The following CDH18 variants were observed in gnomAD, a reference collection of about 807,000 sequenced individuals.
CDH18 encodes cadherin 18.
A neutral mutation model predicts 67.9 loss-of-function variants in CDH18; 31 were observed. That is an observed-to-expected ratio of 0.46 (90% confidence interval 0.34 to 0.62). The LOEUF (loss-of-function observed/expected upper bound fraction) is 0.62, where lower values mean the gene tolerates loss of function less well. Ranked by LOEUF, CDH18 falls within the 20% of genes least tolerant of loss-of-function variation. CDH18 has a pLI of 0.01. For synonymous variants in CDH18, 362 were observed against 347.2 expected, an observed-to-expected ratio of 1.04 and a Z score of -0.48; for missense variants, 890 against 975.5, an observed-to-expected ratio of 0.91 and a Z score of 1.17.
intron 9 of CDH18, among the ~76,000 whole-genome samples, chr5:19,540,708 G>A (rs1750126345): frequency 6.6e-6 from 1 of 152,042 alleles, no homozygotes; most frequent in African/African-American, 2.4e-5. Flanking sequence ...GCTATACCTT[G>A]GCCCTTTTTT....
At chr5:20,186,045 T>C (rs1049696950) in intron 2 of CDH18, among the ~76,000 whole-genome samples, 2 of 152,024 alleles carry the variant, frequency 1.3e-5, no homozygotes, top group Admixed American at 6.6e-5. Context: ...TGAAGACTCA[T>C]CTGTTGAATT....
intron 1 of CDH18, among the ~76,000 whole-genome samples, chr5:20,480,764 T>C (rs1752748961): frequency 6.6e-6 from 1 of 152,184 alleles, no homozygotes; most frequent in African/African-American, 2.4e-5. Flanking sequence ...TCAATCAGCA[T>C]TACTTTTTCA....
chr5:19,811,181 AAG>A (rs1778699717), intron 3 of CDH18, among the ~76,000 whole-genome samples: 1 of 150,398 alleles, frequency 6.6e-6, no homozygotes, highest in South Asian at 2.1e-4. Context: ...AAAGAGAAGA[AAG>A]AGGGAGAGAA....
intron 4 of CDH18, among the ~76,000 whole-genome samples, chr5:19,734,282 G>A (rs1412137998): frequency 6.6e-6 from 1 of 152,164 alleles, no homozygotes; most frequent in Non-Finnish European, 1.5e-5. Context: ...AGTAAGTGTG[G>A]CTGGAATGCA....
chr5:20,098,205 T>C (rs1298244156), intron 2 of CDH18, among the ~76,000 whole-genome samples: 1 of 152,100 alleles, frequency 6.6e-6, no homozygotes, highest in Non-Finnish European at 1.5e-5. Flanking sequence ...GGATATGATT[T>C]ATCCTAGCCT....
intron 1 of CDH18, among the ~76,000 whole-genome samples, chr5:20,397,256 G>C (rs534531278): frequency 1.3e-5 from 2 of 151,812 alleles, no homozygotes; most frequent in Admixed American, 6.6e-5. Context: ...TCAGCCTCCC[G>C]AGTAGCTGGG....
intron 3 of CDH18, among the ~76,000 whole-genome samples, chr5:19,776,011 T>C (rs1774319413): frequency 6.6e-6 from 1 of 151,912 alleles, no homozygotes; most frequent in South Asian, 2.1e-4. Context: ...ACAATAAAAC[T>C]AAAGAAAATT....
chr5:20,451,728 T>C (rs779739061), intron 1 of CDH18, among the ~76,000 whole-genome samples: 24 of 152,184 alleles, frequency 1.6e-4, no homozygotes, highest in Non-Finnish European at 2.8e-4. Flanking sequence ...GGTAAGTTCA[T>C]AAACACTTTT....
chr5:20,275,107 AT>A (rs1745708850), intron 1 of CDH18, among the ~76,000 whole-genome samples: 1 of 152,090 alleles, frequency 6.6e-6, no homozygotes, highest in African/African-American at 2.4e-5. Flanking sequence ...TTTTCACCAC[AT>A]TTCTGAGGAG....
chr5:20,372,593 C>G (rs1310500308), intron 1 of CDH18, among the ~76,000 whole-genome samples: 1 of 152,114 alleles, frequency 6.6e-6, no homozygotes, highest in Non-Finnish European at 1.5e-5. Flanking sequence ...TAATTGAAAT[C>G]AGTTAATAGT....
chr5:19,500,485 T>TA (rs1486319419), intron 11 of CDH18, among the ~76,000 whole-genome samples: 2 of 152,160 alleles, frequency 1.3e-5, no homozygotes, highest in Non-Finnish European at 2.9e-5. Flanking sequence ...CCAAGACTGT[T>TA]AACTCAAGTA....
chr5:20,501,564 TA>T lies in CDH18; in HGVS notation c.-580+73897del, dbSNP rs1184089634. On this transcript the variant is annotated intron_variant, in intron 1 of 14. Coordinates refer to the CDH18 transcript ENST00000507958. The stretch of plus-strand genomic sequence containing the variant: ...ATACATATTATATATATAATATATA[TA>T]TATAATATATATATATTATATATAT... Among the ~76,000 whole-genome samples, 96 of 24,480 alleles carry T rather than the reference TA, an allele frequency of 3.9e-3. 2 individuals are homozygous for T. Among genetic ancestry groups the T allele is most frequent in the African/African-American group, 0.01 (80 of 7,834 alleles). 16.1% of individuals were successfully genotyped at this position (24,480 alleles called of 152,430 possible). A position where few individuals can be genotyped will look rare whatever the true frequency, so the allele number is the denominator to read the frequency against.
At chr5:19,925,855 T>C (rs2150182811) in intron 2 of CDH18, among the ~76,000 whole-genome samples, 1 of 152,320 alleles carries the variant, frequency 6.6e-6, no homozygotes, top group East Asian at 1.9e-4. Flanking sequence ...ATCATTTCTT[T>C]TATGCAGTTC....
intron 5 of CDH18, among the ~76,000 whole-genome samples, chr5:19,690,394 G>GA (rs1292361275): frequency 6.6e-6 from 1 of 151,118 alleles, no homozygotes; most frequent in Non-Finnish European, 1.5e-5. Context: ...CAAGAAACTA[G>GA]AAAATCAAGA....
At chr5:19,856,524 G>A (rs897022577) in intron 2 of CDH18, among the ~76,000 whole-genome samples, 41 of 152,100 alleles carry the variant, frequency 2.7e-4, no homozygotes, top group African/African-American at 9.9e-4. Context: ...AAAAAGATTT[G>A]TAAAGTATCA....
chr5:19,571,783 G>T lies in CDH18; in HGVS notation c.1049C>A (p.Ala350Glu). 6.2e-7 allele frequency: 1 copy of T among 1,613,378 alleles called. No individual in the cohort carries two copies. The highest frequency in any genetic ancestry group is 8.5e-7 in the Non-Finnish European group (1 of 1,179,436). ...AAAGCGAAAATCAAGATGTGTATTTGCTCCTTCTATGTTGAGGGTATATGA... is the reference window on the plus strand; with the variant it reads ...AAAGCGAAAATCAAGATGTGTATTTTCTCCTTCTATGTTGAGGGTATATGA... ...KKSYTLNIEG[A>E]NTHLDFRFSH... The change falls in exon 8 of 13, where the codon GCA becomes GAA. Residue 350 changes from alanine to glutamate, a missense_variant. This residue lies in a region of CDH18 where 656 missense variants were observed against 668.1 expected (regional missense o/e 0.98). Transcript: ENST00000382275.
At chr5:20,246,864 A>C (rs552730563) in intron 2 of CDH18, among the ~76,000 whole-genome samples, 226 of 152,288 alleles carry the variant, frequency 1.5e-3, no homozygotes, top group Non-Finnish European at 2.9e-3. Context: ...GGCATCTCAT[A>C]TTTTTATGCA....
chr5:20,565,423 AG>A (rs1758445214), intron 1 of CDH18, among the ~76,000 whole-genome samples: 1 of 152,144 alleles, frequency 6.6e-6, no homozygotes, highest in Non-Finnish European at 1.5e-5. Context: ...GCAAAATCTT[AG>A]CTGTGGCGGT....
chr5:20,545,884 C>G (rs1757314609), intron 1 of CDH18, among the ~76,000 whole-genome samples: 1 of 152,138 alleles, frequency 6.6e-6, no homozygotes, highest in Admixed American at 6.6e-5. Flanking sequence ...GCAAATTTTC[C>G]AAACCTTTAT....
Sources: allele counts gnomAD v4.1 joint callset (sites outside exome capture counted in the v4.1 genomes callset), GRCh38; gene constraint gnomAD v4.1.1; regional missense constraint gnomAD v4.1.1; transcripts MANE v1.5; gene names NCBI Gene and HGNC (gene_info 2026-07-23, HGNC 2026-07-21).